Variants in MAGI1 observed in about 807,000 individuals in gnomAD.
The protein encoded by MAGI1 is membrane associated guanylate kinase, WW and PDZ domain containing 1.
In MAGI1, 58 loss-of-function variants were observed where a neutral mutation model predicts 139.9. That is an observed-to-expected ratio of 0.41 (90% CI 0.34 to 0.52). The LOEUF (loss-of-function observed/expected upper bound fraction) is 0.52. Ranked by LOEUF, MAGI1 falls within the 20% of genes least tolerant of loss-of-function variation. MAGI1 has a pLI of 0.12. For missense variants in MAGI1, 1,874 were observed against 1,901.6 expected, an observed-to-expected ratio of 0.99 and a Z score of 0.27; for synonymous variants, 812 against 737.9, an observed-to-expected ratio of 1.10 and a Z score of -1.63.
intron 2 of MAGI1, among the ~76,000 whole-genome samples, chr3:65,581,968 G>A (rs962319510): frequency 5.9e-5 from 9 of 152,154 alleles, no homozygotes; most frequent in African/African-American, 1.4e-4. Context: ...TTGAAAAAAA[G>A]TGTACACAAC....
chr3:65,743,226 TC>T (rs1447199883), intron 1 of MAGI1, among the ~76,000 whole-genome samples: 1 of 152,214 alleles, frequency 6.6e-6, no homozygotes, highest in Non-Finnish European at 1.5e-5. Flanking sequence ...AAAAGTTCAG[TC>T]CTTTCAAAAT....
chr3:65,979,040 GA>G (rs1245712767), intron 1 of MAGI1, among the ~76,000 whole-genome samples: 3 of 147,226 alleles, frequency 2.0e-5, no homozygotes, highest in African/African-American at 7.5e-5. Context: ...TAAAATTCTG[GA>G]AAAAGAAGTC....
At chr3:65,940,330 A>G (rs2063247343) in intron 1 of MAGI1, among the ~76,000 whole-genome samples, 2 of 152,244 alleles carry the variant, frequency 1.3e-5, no homozygotes, top group Non-Finnish European at 2.9e-5. Context: ...TGAGTCACTT[A>G]TAAATAACAG....
At chr3:65,540,906 G>C (rs1322997938) in intron 2 of MAGI1, among the ~76,000 whole-genome samples, 1 of 152,208 alleles carries the variant, frequency 6.6e-6, no homozygotes. Context: ...GGCTGAGAGA[G>C]GGATTCAGGG....
rs146613398 is a variant in MAGI1 at position 65,913,534 on chromosome 3, A to C, written c.313+124462T>G. ...TTCGGAAGATGGGGAGGTAGTGTTC[A>C]GAAAGGAGAGATTCCAGAAAGGGTT... On this transcript the variant is annotated intron_variant, in intron 1 of 22. Transcript: ENST00000402939. Among the ~76,000 whole-genome samples, 1,032 of 152,302 alleles carry C rather than the reference A, an allele frequency of 6.8e-3. 32 individuals are homozygous for C. The highest frequency in any genetic ancestry group is 0.058 in the Admixed American group (882 of 15,292).
chr3:65,645,683 C>T, intron 1 of MAGI1, among the ~76,000 whole-genome samples: 1 of 152,146 alleles, frequency 6.6e-6, no homozygotes, highest in East Asian at 1.9e-4. Context: ...TGAAGCTCAA[C>T]TATCTCATGT....
At chr3:65,926,127 T>C (rs2062490204) in intron 1 of MAGI1, among the ~76,000 whole-genome samples, 1 of 152,238 alleles carries the variant, frequency 6.6e-6, no homozygotes, top group Non-Finnish European at 1.5e-5. Context: ...AAATCATTTC[T>C]GTTATTTAGT....
intron 1 of MAGI1, among the ~76,000 whole-genome samples, chr3:65,978,494 T>C (rs1455859771): frequency 2.0e-5 from 3 of 152,124 alleles, no homozygotes; most frequent in Non-Finnish European, 2.9e-5. Flanking sequence ...ACTTCCTTTT[T>C]CTCTCCTATC....
At chr3:65,838,474 A>G (rs182373796) in intron 1 of MAGI1, among the ~76,000 whole-genome samples, 1 of 152,260 alleles carries the variant, frequency 6.6e-6, no homozygotes, top group African/African-American at 2.4e-5. Context: ...TTACATAAAT[A>G]GAATCATACA....
At chr3:65,724,712 G>A (rs778884690) in intron 1 of MAGI1, among the ~76,000 whole-genome samples, 2 of 152,104 alleles carry the variant, frequency 1.3e-5, no homozygotes, top group African/African-American at 4.8e-5. Context: ...AGCAAGACTT[G>A]GGAGGCCTCA....
intron 3 of MAGI1, among the ~76,000 whole-genome samples, chr3:65,489,564 T>A (rs1951854926): frequency 6.6e-6 from 1 of 152,114 alleles, no homozygotes. Flanking sequence ...AAATAAGTTA[T>A]ATATTTATAT....
chr3:65,363,452 T>C lies in MAGI1; in HGVS notation c.3495+13A>G. On this transcript the variant is annotated intron_variant, in intron 21 of 22. Transcript: ENST00000402939. ...TTTCTTTGCACCTACCCCAGACTCCTCTCTCCACTTACCCTCATCTTTCCA... is the reference window on the plus strand; with the variant it reads ...TTTCTTTGCACCTACCCCAGACTCCCCTCTCCACTTACCCTCATCTTTCCA... The C allele has an allele frequency of 6.2e-7, 1 of 1,600,908 alleles. No homozygotes were observed. Among genetic ancestry groups the C allele is most frequent in the Non-Finnish European group, 8.5e-7 (1 of 1,172,900 alleles).
At chr3:65,640,131 T>C (rs1191344426) in intron 1 of MAGI1, among the ~76,000 whole-genome samples, 1 of 152,122 alleles carries the variant, frequency 6.6e-6, no homozygotes, top group African/African-American at 2.4e-5. Flanking sequence ...TCAGCTCCTC[T>C]GGGTCTTCAG....
chr3:65,505,668 A>G (rs910325649), intron 2 of MAGI1, among the ~76,000 whole-genome samples: 29 of 149,318 alleles, frequency 1.9e-4, no homozygotes, highest in Middle Eastern at 7.0e-3. Context: ...TAATAATAAT[A>G]GGGAATGACT....
intron 1 of MAGI1, among the ~76,000 whole-genome samples, chr3:65,822,901 C>T (rs2042024988): frequency 6.6e-6 from 1 of 152,334 alleles, no homozygotes; most frequent in South Asian, 2.1e-4. Context: ...AAGGCCCAAA[C>T]TCCAACACTG....
intron 1 of MAGI1, among the ~76,000 whole-genome samples, chr3:65,877,932 C>T (rs2060178716): frequency 6.6e-6 from 1 of 152,036 alleles, no homozygotes; most frequent in African/African-American, 2.4e-5. Context: ...TATGGTGAGA[C>T]ACTGTCTCTA....
chr3:65,580,517 A>G (rs1027268870), intron 2 of MAGI1, among the ~76,000 whole-genome samples: 1 of 152,196 alleles, frequency 6.6e-6, no homozygotes, highest in African/African-American at 2.4e-5. Context: ...GAATCCTCTG[A>G]ACCAGTTCTT....
At chr3:65,627,181 AG>A (rs1177816156) in intron 1 of MAGI1, among the ~76,000 whole-genome samples, 1 of 152,192 alleles carries the variant, frequency 6.6e-6, no homozygotes, top group Non-Finnish European at 1.5e-5. Context: ...TACAGTATTC[AG>A]GAAAGTAACA....
chr3:65,429,110 T>C (rs1215287580), intron 12 of MAGI1, among the ~76,000 whole-genome samples: 1 of 151,902 alleles, frequency 6.6e-6, no homozygotes, highest in Non-Finnish European at 1.5e-5. Context: ...AGGATAAAGG[T>C]TATTATTTTT....
Sources: allele counts gnomAD v4.1 joint callset (sites outside exome capture counted in the v4.1 genomes callset), GRCh38; gene constraint gnomAD v4.1.1; transcripts MANE v1.5; gene names NCBI Gene and HGNC (gene_info 2026-07-23, HGNC 2026-07-21).